Variants in PIK3CB observed in about 807,000 individuals in gnomAD.
PIK3CB encodes the protein phosphatidylinositol 4,5-bisphosphate 3-kinase catalytic subunit beta isoform.
In PIK3CB, 39 loss-of-function variants were observed where a neutral mutation model predicts 136.8. The ratio of observed to expected loss-of-function variants is 0.29; its 90% CI spans 0.22 to 0.37. The LOEUF (loss-of-function observed/expected upper bound fraction) is 0.37, where lower values mean the gene tolerates loss of function less well. Among genes scored for constraint, PIK3CB ranks in the 10% least tolerant of loss-of-function variants. The probability of loss-of-function intolerance (pLI) is 1.00; values close to 1 mark genes in which losing one functional copy is unlikely to be tolerated. For synonymous variants in PIK3CB, 428 were observed against 436.6 expected (o/e 0.98, Z 0.25); for missense variants, 868 against 1,275.4 (o/e 0.68, Z 4.87).
At chr3:138,752,340 TC>T (rs1180763827) in intron 4 of PIK3CB, among the ~76,000 whole-genome samples, 3 of 152,230 alleles carry the variant, frequency 2.0e-5, no homozygotes, top group Non-Finnish European at 4.4e-5. Context: ...GCAACCTTGT[TC>T]CTAAAGTTAA....
At chr3:138,710,169 G>T (rs1336631759) in intron 10 of PIK3CB, among the ~76,000 whole-genome samples, 1 of 152,100 alleles carries the variant, frequency 6.6e-6, no homozygotes, top group Admixed American at 6.6e-5. Flanking sequence ...GGGTGACAGG[G>T]TGAGGCCCTG....
intron 8 of PIK3CB, among the ~76,000 whole-genome samples, chr3:138,726,923 T>C (rs2044851690): frequency 6.6e-6 from 1 of 150,540 alleles, no homozygotes; most frequent in South Asian, 2.1e-4. Flanking sequence ...TGGTGGTGCA[T>C]GCCTGTAGTC....
intron 4 of PIK3CB, among the ~76,000 whole-genome samples, chr3:138,747,101 T>TATAC: frequency 7.6e-5 from 7 of 92,694 alleles, no homozygotes; most frequent in African/African-American, 2.9e-4. Context: ...TATATATATA[T>TATAC]ATATATATAT....
Position 138,834,909 on chromosome 3 carries a change from C to G in PIK3CB, c.-336G>C, listed in dbSNP as rs1206752655. On this transcript the variant is annotated 5_prime_UTR_variant, in exon 1 of 24. Coordinates refer to ENST00000674063, the MANE Select transcript of PIK3CB (RefSeq NM_006219.3). ...CCGACAGAGCACGCGCGCGCCGCCGCCGAACCCGCGCCCGTGTGCGCGCGC... is the reference window on the plus strand; with the variant it reads ...CCGACAGAGCACGCGCGCGCCGCCGGCGAACCCGCGCCCGTGTGCGCGCGC... The G allele has an allele frequency of 6.6e-6, 1 of 151,010 alleles. No individual in the cohort carries two copies. The highest frequency in any genetic ancestry group is 1.5e-5 in the Non-Finnish European group (1 of 67,672). 9.4% of individuals were successfully genotyped at this position (151,010 alleles called of 1,614,324 possible). A position where few individuals can be genotyped will look rare whatever the true frequency, so the allele number is the denominator to read the frequency against.
intron 11 of PIK3CB, among the ~76,000 whole-genome samples, chr3:138,705,432 T>C (rs1263941762): frequency 6.6e-6 from 1 of 152,010 alleles, no homozygotes; most frequent in Non-Finnish European, 1.5e-5. Flanking sequence ...AATGTAGCTT[T>C]TTCTACTCAG....
chr3:138,702,140 T>C lies in PIK3CB; in HGVS notation c.1581+2303A>G, dbSNP rs181136414. On this transcript the variant is annotated intron_variant, in intron 12 of 23. Transcript: ENST00000674063. ...TTTTTTTAAAGATACAGGGTCTTAC[T>C]CTGTCATAACAGCCTCAACTTCCCA... Among the ~76,000 whole-genome samples, 239 of 151,082 alleles carry C rather than the reference T, an allele frequency of 1.6e-3. 1 individual carries two copies. Among genetic ancestry groups the C allele is most frequent in the African/African-American group, 5.6e-3 (233 of 41,256 alleles).
At chr3:138,720,631 CCA>C (rs1472254425) in intron 8 of PIK3CB, among the ~76,000 whole-genome samples, 1 of 152,180 alleles carries the variant, frequency 6.6e-6, no homozygotes, top group East Asian at 1.9e-4. Context: ...CTTTGGGAAG[CCA>C]AGGCAGGCAG....
At chr3:138,816,710 T>C (rs1189885240) in intron 1 of PIK3CB, among the ~76,000 whole-genome samples, 1 of 152,152 alleles carries the variant, frequency 6.6e-6, no homozygotes, top group Admixed American at 6.6e-5. Flanking sequence ...ACAATGAGCC[T>C]ACCCTCACTG....
intron 2 of PIK3CB, among the ~76,000 whole-genome samples, chr3:138,777,534 T>C (rs890388668): frequency 2.0e-5 from 3 of 152,130 alleles, no homozygotes; most frequent in Non-Finnish European, 2.9e-5. Context: ...ACGTCATGTT[T>C]TTCCACCTGA....
chr3:138,687,817 GA>G (rs1294227898), intron 16 of PIK3CB, among the ~76,000 whole-genome samples: 2 of 152,148 alleles, frequency 1.3e-5, no homozygotes, highest in Non-Finnish European at 2.9e-5. Context: ...GGAGATGTAG[GA>G]AGGGAAACAC....
chr3:138,822,497 CTG>C (rs1933600826), intron 1 of PIK3CB, among the ~76,000 whole-genome samples: 1 of 151,770 alleles, frequency 6.6e-6, no homozygotes. Context: ...GTTCACGACA[CTG>C]TACTCCAGCC....
At chr3:138,759,617 AATT>A (rs2045633456) in intron 2 of PIK3CB, among the ~76,000 whole-genome samples, 2 of 152,122 alleles carry the variant, frequency 1.3e-5, no homozygotes, top group Admixed American at 6.6e-5. Context: ...AAAGGAAAAA[AATT>A]ATTCTTATAT....
intron 16 of PIK3CB, among the ~76,000 whole-genome samples, chr3:138,685,420 A>AAAAAAAAG (rs2043866681): frequency 1.2e-5 from 1 of 86,926 alleles, no homozygotes; most frequent in African/African-American, 3.4e-5. Context: ...AAAAAAAAAA[A>AAAAAAAAG]AAAGAAAGAA....
chr3:138,759,838 G>C (rs2045637390), intron 2 of PIK3CB, among the ~76,000 whole-genome samples: 1 of 151,894 alleles, frequency 6.6e-6, no homozygotes, highest in African/African-American at 2.4e-5. Context: ...GTTTTTCTCT[G>C]CAAATTCCAA....
chr3:138,703,256 T>G (rs1381712648), intron 12 of PIK3CB, among the ~76,000 whole-genome samples: 1 of 151,940 alleles, frequency 6.6e-6, no homozygotes, highest in African/African-American at 2.4e-5. Context: ...ACTGAGAAAC[T>G]AGGGAAAGAT....
chr3:138,749,192 G>A (rs902181411), intron 4 of PIK3CB, among the ~76,000 whole-genome samples: 7 of 152,118 alleles, frequency 4.6e-5, no homozygotes, highest in Admixed American at 1.3e-4. Context: ...TACAGGTGAC[G>A]AAAGGGAAAT....
At chr3:138,694,985 A>G (rs2044105280) in intron 13 of PIK3CB, 78 bp from the exon 14 acceptor site, 1 of 1,391,914 alleles carries the variant, frequency 7.2e-7, no homozygotes, top group Non-Finnish European at 9.7e-7. Context: ...CAGGAGCACC[A>G]AGATAGGTCA....
intron 2 of PIK3CB, chr3:138,777,815 C>A: frequency 5.0e-6 from 1 of 198,538 alleles, no homozygotes; most frequent in East Asian, 1.2e-4. Context: ...CCATCACATC[C>A]CTGAGACATC....
Position 138,754,912 on chromosome 3 carries a change from T to G in PIK3CB, c.397+842A>C, listed in dbSNP as rs1262662460. 2.0e-5 allele frequency among the ~76,000 whole-genome samples: 3 copies of G among 152,354 alleles called. No individual in the cohort carries two copies. The East Asian group carries it at 5.8e-4, about 29-fold the overall frequency. On this transcript the variant is annotated intron_variant, in intron 4 of 23. Transcript: ENST00000674063. ...TAAAGTCCCCTCCTCAGTAACCTTT[T>G]GTAGTTCCTAATTCAAGTCAGTACC...
Sources: allele counts gnomAD v4.1 joint callset (sites outside exome capture counted in the v4.1 genomes callset), GRCh38; gene constraint gnomAD v4.1.1; transcripts MANE v1.5; gene names NCBI Gene and HGNC (gene_info 2026-07-23, HGNC 2026-07-21).